Variants in ZBTB1 observed in about 807,000 individuals in gnomAD.
ZBTB1 encodes the protein zinc finger and BTB domain containing 1, also known as zinc finger and BTB domain-containing protein 1.
In ZBTB1, 13 loss-of-function variants were observed where a neutral mutation model predicts 51.6. The ratio of observed to expected loss-of-function variants is 0.25; its 90% CI spans 0.16 to 0.40. The LOEUF (loss-of-function observed/expected upper bound fraction) is 0.40, where lower values mean the gene tolerates loss of function less well. ZBTB1 is among the 10% of genes least tolerant of loss of function. The pLI is 1.00. For missense variants in ZBTB1, 567 were observed against 856.5 expected (o/e 0.66, Z 4.22); for synonymous variants, 240 against 282.2 (o/e 0.85, Z 1.50).
At position 64,523,323 on chromosome 14, in the gene ZBTB1, G is replaced by A; in HGVS notation, c.1819G>A (p.Val607Ile). The change falls in exon 2 of 2, where the codon GTT becomes ATT. Residue 607 changes from valine to isoleucine, a missense_variant. Val to Ile is a conservative substitution (Grantham distance 29). Transcript: ENST00000683701. This position sits in a 1 kb window ranked among gnomAD's most constrained non-coding sequence, Gnocchi z 4.5. The part of the protein sequence containing the change: ...YTVHTKEKQF[V>I]CQTCGKQFLR... ...TGTTCATACTAAGGAAAAACAGTTT[G>A]TTTGTCAAACATGTGGAAAGCAGTT... 6.2e-7 allele frequency: 1 copy of A among 1,614,194 alleles called. No individual in the cohort carries two copies. Among genetic ancestry groups the A allele is most frequent in the Non-Finnish European group, 8.5e-7 (1 of 1,180,016 alleles).
chr14:64,523,317 CAGTT>C lies in ZBTB1; in HGVS notation c.1814_1817del (p.Gln605LeufsTer11). 6.2e-7 allele frequency: 1 copy of C among 1,614,146 alleles called. No homozygotes were observed. Among genetic ancestry groups the C allele is most frequent in the South Asian group, 1.1e-5 (1 of 91,080 alleles). ...CTATACTGTTCATACTAAGGAAAAACAGTTTGTTTGTCAAACATGTGGAAAGCAG... is the reference window on the plus strand; with the variant it reads ...CTATACTGTTCATACTAAGGAAAAACTGTTTGTCAAACATGTGGAAAGCAG... On this transcript the variant is annotated frameshift_variant, in exon 2 of 2. Transcript: ENST00000683701. LOFTEE classifies it high-confidence loss of function. This position sits in a 1 kb window ranked among gnomAD's most constrained non-coding sequence, Gnocchi z 4.5.
At chr14:64,514,740 A>G (rs1023246406) in intron 1 of ZBTB1, among the ~76,000 whole-genome samples, 1 of 152,220 alleles carries the variant, frequency 6.6e-6, no homozygotes, top group Non-Finnish European at 1.5e-5. Flanking sequence ...CATCCAACCA[A>G]CAAACCCTGT....
intron 1 of ZBTB1, among the ~76,000 whole-genome samples, chr14:64,509,746 C>T (rs1360666282): frequency 2.0e-5 from 3 of 151,162 alleles, no homozygotes; most frequent in Admixed American, 2.0e-4. Flanking sequence ...CCAAGGCAGG[C>T]GGATCACGAG....
chr14:64,530,636 CTT>C (rs2079935933), intron 2 of ZBTB1, among the ~76,000 whole-genome samples: 1 of 151,934 alleles, frequency 6.6e-6, no homozygotes, highest in African/African-American at 2.4e-5. Context: ...TTTGAACAAA[CTT>C]AATATCACTT....
chr14:64,522,858 A>G lies in ZBTB1; in HGVS notation c.1354A>G (p.Lys452Glu). Reference sequence around the variant, plus strand: ...CATTGAAAATATCTGTGCATGTGGTAAATGTGGACAAATACTTGTAAAGGG... The same window carrying G: ...CATTGAAAATATCTGTGCATGTGGTGAATGTGGACAAATACTTGTAAAGGG... ...KHIENICACG[K>E]CGQILVKGRQ... The change falls in exon 2 of 2, where the codon AAA becomes GAA. Residue 452 changes from lysine to glutamate, a missense_variant. By Grantham distance (56) the Lys-to-Glu change is moderately conservative. Transcript: ENST00000683701. 6.2e-7 allele frequency: 1 copy of G among 1,614,198 alleles called. No individual in the cohort carries two copies. The highest frequency in any genetic ancestry group is 8.5e-7 in the Non-Finnish European group (1 of 1,180,022).
At chr14:64,519,808 T>TCG (rs1321728638) in intron 1 of ZBTB1, among the ~76,000 whole-genome samples, 1 of 151,098 alleles carries the variant, frequency 6.6e-6, no homozygotes, top group Non-Finnish European at 1.5e-5. Flanking sequence ...AACTTTACAC[T>TCG]CTAAGGATAA....
chr14:64,523,250 G>T lies in ZBTB1; in HGVS notation c.1746G>T (p.Leu582=), dbSNP rs897625172. The T allele has an allele frequency of 6.2e-7, 1 of 1,614,152 alleles. No homozygotes were observed. The highest frequency in any genetic ancestry group is 8.5e-7 in the Non-Finnish European group (1 of 1,180,016). The change falls in exon 2 of 2, where the codon CTG becomes CTT. Residue 582 remains leucine (L), a synonymous_variant. Transcript: ENST00000683701. The surrounding 1 kb of genome is among the most constrained non-coding windows in gnomAD (Gnocchi z 4.5). ...RDHRRKHFCN[L]CGKGFYQRCH... ...ACAGACGAAAGCATTTTTGTAATCT[G>T]TGTGGAAAAGGATTTTATCAGCGGT...
At chr14:64,512,100 A>T (rs116051559) in intron 1 of ZBTB1, among the ~76,000 whole-genome samples, 1,805 of 152,214 alleles carry the variant, frequency 0.012, 21 homozygotes, top group Middle Eastern at 0.054. Flanking sequence ...TATGACATTA[A>T]TTTTTTTTAA....
intron 2 of ZBTB1, among the ~76,000 whole-genome samples, chr14:64,531,490 G>C (rs2079941674): frequency 6.6e-6 from 1 of 152,076 alleles, no homozygotes; most frequent in Admixed American, 6.6e-5. Flanking sequence ...TTCAATCAGA[G>C]ATTTGTCATT....
chr14:64,532,968 T>C (rs1000184916), exon 3 of ZBTB1: 2 of 152,146 alleles, frequency 1.3e-5, no homozygotes, highest in Non-Finnish European at 2.9e-5. Context: ...CTTATGATTA[T>C]TTTGTTTCTT....
At position 64,524,790 on chromosome 14, in the gene ZBTB1, A is replaced by T; in HGVS notation, c.*1144A>T. ...CTGTAAAAGACTATAAAACTTGAGG[A>T]TTATAAAATAATCACAGAGTATATC... On this transcript the variant is annotated 3_prime_UTR_variant, in exon 2 of 2. Transcript: ENST00000683701. 4.1e-6 allele frequency: 4 copies of T among 981,248 alleles called. No individual in the cohort carries two copies. The highest frequency in any genetic ancestry group is 4.8e-6 in the Non-Finnish European group (4 of 826,126). 60.8% of individuals were successfully genotyped at this position (981,248 alleles called of 1,614,324 possible). A position where few individuals can be genotyped will look rare whatever the true frequency, so the allele number is the denominator to read the frequency against.
At chr14:64,519,630 A>T (rs1366075248) in intron 1 of ZBTB1, among the ~76,000 whole-genome samples, 1 of 151,452 alleles carries the variant, frequency 6.6e-6, no homozygotes, top group African/African-American at 2.4e-5. Context: ...AAACAAAAAA[A>T]AACTGAATGT....
chr14:64,513,240 T>C (rs975464783), intron 1 of ZBTB1, among the ~76,000 whole-genome samples: 10 of 141,252 alleles, frequency 7.1e-5, no homozygotes, highest in Non-Finnish European at 1.5e-4. Flanking sequence ...CATATATCCA[T>C]ATATATCCAT....
chr14:64,528,342 T>C (rs2079918927), downstream of ZBTB1, among the ~76,000 whole-genome samples: 1 of 138,040 alleles, frequency 7.2e-6, no homozygotes, highest in African/African-American at 2.7e-5. Context: ...CATTTTTCTT[T>C]TCTTTTTTTT....
At chr14:64,527,883 T>A (rs1292982371), downstream of ZBTB1, among the ~76,000 whole-genome samples, 1 of 152,116 alleles carries the variant, frequency 6.6e-6, no homozygotes, top group Non-Finnish European at 1.5e-5. Context: ...GTGAGATGAG[T>A]AGGGATTAAA....
Position 64,512,340 on chromosome 14 carries a change from A to G in ZBTB1, c.-19+7394A>G, listed in dbSNP as rs140887468. On this transcript the variant is annotated intron_variant, in intron 1 of 1. Coordinates refer to ENST00000683701, the MANE Select transcript of ZBTB1 (RefSeq NM_001123329.2). ...GACAAGCACATATTAAGTGTCAACT[A>G]TGTGGGAAGAGTGTGCTAGGCACAA... 1.5e-3 allele frequency among the ~76,000 whole-genome samples: 224 copies of G among 152,310 alleles called. 1 individual carries two copies. Among genetic ancestry groups the G allele is most frequent in the African/African-American group, 5.1e-3 (210 of 41,570 alleles).
intron 1 of ZBTB1, chr14:64,516,725 C>T (rs1825454792): frequency 6.6e-6 from 1 of 152,186 alleles, no homozygotes; most frequent in Non-Finnish European, 1.5e-5. Flanking sequence ...ATGATCAACA[C>T]TTTATACAGT....
chr14:64,511,703 A>G (rs1055220042), intron 1 of ZBTB1, among the ~76,000 whole-genome samples: 1 of 152,240 alleles, frequency 6.6e-6, no homozygotes, highest in Non-Finnish European at 1.5e-5. Flanking sequence ...CACCTTTCAG[A>G]AGTGACAGTT....
exon 3 of ZBTB1, chr14:64,532,064 T>A: frequency 1.5e-6 from 1 of 684,538 alleles, no homozygotes; most frequent in Non-Finnish European, 2.4e-6. Flanking sequence ...GAAAACTCAG[T>A]AAAGATCACT....
Sources: allele counts gnomAD v4.1 joint callset (sites outside exome capture counted in the v4.1 genomes callset), GRCh38; gene constraint gnomAD v4.1.1; non-coding constraint Gnocchi (gnomAD v3.1); transcripts MANE v1.5; gene names NCBI Gene and HGNC (gene_info 2026-07-23, HGNC 2026-07-21).